Variants in PDE11A observed in about 807,000 individuals in gnomAD.
PDE11A encodes the protein dual 3',5'-cyclic-AMP and -GMP phosphodiesterase 11A.
In PDE11A, 100 loss-of-function variants were observed where a neutral mutation model predicts 100.5. The ratio of observed to expected loss-of-function variants is 1.00; its 90% CI spans 0.85 to 1.18. The LOEUF (loss-of-function observed/expected upper bound fraction) is 1.18, where lower values mean the gene tolerates loss of function less well. Ranked by LOEUF, PDE11A falls within the 50% of genes most tolerant of loss-of-function variation. The pLI is 0.00. For synonymous variants in PDE11A, 381 were observed against 420.8 expected, an observed-to-expected ratio of 0.91 and a Z score of 1.16; for missense variants, 1,141 against 1,152.6, an observed-to-expected ratio of 0.99 and a Z score of 0.15.
chr2:177,670,130 G>A (rs2080654848), intron 17 of PDE11A, among the ~76,000 whole-genome samples: 1 of 152,162 alleles, frequency 6.6e-6, no homozygotes, highest in Admixed American at 6.5e-5. Context: ...CAAGAGGCAG[G>A]ACTAATGCCA....
chr2:177,644,306 A>AACCT (rs2080188714), intron 19 of PDE11A, among the ~76,000 whole-genome samples: 1 of 152,242 alleles, frequency 6.6e-6, no homozygotes, highest in African/African-American at 2.4e-5. Flanking sequence ...AGACCACAGG[A>AACCT]ACCTACCTCT....
At chr2:177,880,994 G>A (rs996204434) in intron 4 of PDE11A, among the ~76,000 whole-genome samples, 2 of 152,338 alleles carry the variant, frequency 1.3e-5, no homozygotes, top group Middle Eastern at 3.4e-3. Flanking sequence ...TGGGTGGTCT[G>A]TGAAGTGTTT....
chr2:177,700,402 C>CAAAA (rs3056937), intron 14 of PDE11A, among the ~76,000 whole-genome samples: 8 of 145,132 alleles, frequency 5.5e-5, no homozygotes, highest in African/African-American at 1.8e-4. Flanking sequence ...TTCCTGGCCT[C>CAAAA]AAAAAAAAAA....
intron 1 of PDE11A, among the ~76,000 whole-genome samples, chr2:178,066,530 C>A (rs916326304): frequency 6.6e-6 from 1 of 152,122 alleles, no homozygotes; most frequent in Non-Finnish European, 1.5e-5. Context: ...CCACCTGATC[C>A]CCGCTCCATG....
intron 5 of PDE11A, among the ~76,000 whole-genome samples, chr2:177,862,138 C>T (rs1340030955): frequency 1.3e-5 from 2 of 151,660 alleles, no homozygotes; most frequent in Admixed American, 1.3e-4. Context: ...AGAATGAAGG[C>T]AAATATACAT....
intron 13 of PDE11A, among the ~76,000 whole-genome samples, chr2:177,705,831 C>G (rs1173790919): frequency 6.6e-6 from 1 of 152,136 alleles, no homozygotes; most frequent in Non-Finnish European, 1.5e-5. Flanking sequence ...CCGAAAGCGA[C>G]AAGATGGGTT....
At chr2:177,936,683 G>T (rs1228926212) in intron 2 of PDE11A, among the ~76,000 whole-genome samples, 1 of 152,198 alleles carries the variant, frequency 6.6e-6, no homozygotes, top group African/African-American at 2.4e-5. Context: ...CACTTTGGTA[G>T]GCCGAAGTGT....
At chr2:177,829,074 T>C (rs373388918) in intron 6 of PDE11A, among the ~76,000 whole-genome samples, 6 of 152,072 alleles carry the variant, frequency 3.9e-5, no homozygotes, top group African/African-American at 9.6e-5. Flanking sequence ...TTGGACTTCC[T>C]GATGAATTCA....
intron 19 of PDE11A, among the ~76,000 whole-genome samples, chr2:177,637,965 A>G (rs62185363): frequency 2.2e-5 from 3 of 138,340 alleles, no homozygotes; most frequent in Non-Finnish European, 4.6e-5. Context: ...ATATATACGT[A>G]TATATATACA....
At position 177,627,925 on chromosome 2, in the gene PDE11A, A is replaced by G. The variant is rs1030992801; in HGVS notation, c.*1482T>C. The G allele has an allele frequency of 2.6e-5, 4 of 152,220 alleles. No homozygotes were observed. The highest frequency in any genetic ancestry group is 2.0e-4 in the Admixed American group (3 of 15,282). 9.4% of individuals were successfully genotyped at this position (152,220 alleles called of 1,614,324 possible). A position where few individuals can be genotyped will look rare whatever the true frequency, so the allele number is the denominator to read the frequency against. ...AATTTCAGATTTTTTTAAGAGCTAG[A>G]ATGGCTCTCAGGTTTAATCTAGGCC... On this transcript the variant is annotated 3_prime_UTR_variant, in exon 20 of 20. Transcript: ENST00000286063.
chr2:177,913,961 A>G (rs2084916808), intron 2 of PDE11A, among the ~76,000 whole-genome samples: 1 of 152,144 alleles, frequency 6.6e-6, no homozygotes. Flanking sequence ...TCATCCTCCA[A>G]AAAGGCTCTA....
At chr2:178,000,833 C>A (rs2086135637) in intron 2 of PDE11A, among the ~76,000 whole-genome samples, 1 of 152,180 alleles carries the variant, frequency 6.6e-6, no homozygotes, top group South Asian at 2.1e-4. Context: ...TCCTCACACA[C>A]ACACACAAAA....
chr2:177,749,631 A>G (rs893256544), intron 10 of PDE11A, among the ~76,000 whole-genome samples: 5 of 152,186 alleles, frequency 3.3e-5, no homozygotes, highest in African/African-American at 2.4e-5. Context: ...CTCCCCAGAC[A>G]ACTAAGAGTT....
chr2:177,923,021 C>T (rs755349770), intron 2 of PDE11A, among the ~76,000 whole-genome samples: 4 of 150,864 alleles, frequency 2.7e-5, no homozygotes, highest in Non-Finnish European at 4.4e-5. Context: ...TTTCGATTTG[C>T]TCTACCATTG....
At chr2:178,086,349 A>G in intron 2 of PDE11A, among the ~76,000 whole-genome samples, 1 of 152,224 alleles carries the variant, frequency 6.6e-6, no homozygotes, top group Non-Finnish European at 1.5e-5. Context: ...AGCATGAGAG[A>G]GTTCTACACA....
At chr2:177,902,939 G>A (rs919437665) in intron 3 of PDE11A, among the ~76,000 whole-genome samples, 1 of 152,052 alleles carries the variant, frequency 6.6e-6, no homozygotes, top group African/African-American at 2.4e-5. Flanking sequence ...TCCCTCCCCA[G>A]CCAGTTTATT....
chr2:177,874,341 C>T (rs977905267), intron 5 of PDE11A, among the ~76,000 whole-genome samples: 25 of 152,302 alleles, frequency 1.6e-4, no homozygotes, highest in Non-Finnish European at 2.9e-4. Context: ...GAACACATAA[C>T]AGTCAAATAA....
intron 4 of PDE11A, among the ~76,000 whole-genome samples, chr2:177,878,164 T>C (rs556317503): frequency 1.3e-5 from 2 of 152,332 alleles, no homozygotes; most frequent in South Asian, 2.1e-4. Context: ...TTGACAACTA[T>C]AGAACATATT....
At chr2:177,812,538 A>T (rs2082964371) in intron 9 of PDE11A, among the ~76,000 whole-genome samples, 1 of 152,170 alleles carries the variant, frequency 6.6e-6, no homozygotes, top group Non-Finnish European at 1.5e-5. Context: ...GAATATATAT[A>T]AGAATTTATA....
Sources: gnomAD v4.1 joint callset for allele counts (sites outside exome capture counted in the v4.1 genomes callset) on GRCh38, gnomAD v4.1.1 for gene constraint, MANE v1.5 for transcripts, NCBI Gene and HGNC (gene_info 2026-07-23, HGNC 2026-07-21) for gene names.